The following LYPD1 variants were observed in gnomAD, a reference collection of about 807,000 sequenced individuals.
LYPD1 encodes the protein ly6/PLAUR domain-containing protein 1.
LYPD1 carries 14 observed loss-of-function variants against 14.2 expected under a neutral mutation model. That is an observed-to-expected ratio of 0.99 (90% CI 0.65 to 1.54). The LOEUF (loss-of-function observed/expected upper bound fraction) is 1.54. Ranked by LOEUF, LYPD1 falls within the 40% of genes most tolerant of loss-of-function variation. The pLI is 0.00. For synonymous variants in LYPD1, 85 were observed against 70.6 expected (o/e 1.20, Z -1.02); for missense variants, 165 against 175.7 (o/e 0.94, Z 0.34).
At chr2:132,648,274 A>AC (rs1682213704) in intron 2 of LYPD1, among the ~76,000 whole-genome samples, 3 of 146,434 alleles carry the variant, frequency 2.0e-5, no homozygotes, top group Admixed American at 6.8e-5. Flanking sequence ...CTTTTAAAAA[A>AC]ATATTTACTG....
In LYPD1 at chr2:132,645,957, C is replaced by A; in HGVS notation, c.*88G>T. On this transcript the variant is annotated 3_prime_UTR_variant, in exon 3 of 3. Transcript: ENST00000397463. ...CCGCTCCCTACCCAGAATAAAAGGA[C>A]ACCCAGAAGAAACTCACTCAGGGAG... is the stretch of plus-strand genomic sequence containing the variant. The A allele has an allele frequency of 1.0e-6, 1 of 983,498 alleles. No homozygotes were observed. The highest frequency in any genetic ancestry group is 1.5e-6 in the Non-Finnish European group (1 of 674,502). The allele number at this position is 983,498 out of a possible 1,614,324, so 60.9% of individuals were successfully genotyped here.
chr2:132,668,285 C>T lies in LYPD1; in HGVS notation c.190+115G>A, dbSNP rs1157883135. On this transcript the variant is annotated intron_variant, in intron 2 of 2. Transcript: ENST00000397463. ...CACTGTAAAACTAAATCTGCGATAA[C>T]CAGTGTGTGGGCATTAAATCAAAGT... The T allele has an allele frequency of 1.5e-5, 20 of 1,296,912 alleles. 1 individual carries two copies. In the South Asian group the frequency reaches 2.2e-4, roughly 14 times the overall value. 80.3% of individuals were successfully genotyped at this position (1,296,912 alleles called of 1,614,324 possible).
At chr2:132,665,644 G>A (rs1388945505) in intron 2 of LYPD1, among the ~76,000 whole-genome samples, 1 of 152,210 alleles carries the variant, frequency 6.6e-6, no homozygotes, top group Admixed American at 6.5e-5. Flanking sequence ...CAGTTGGCTG[G>A]TGAACTTGGA....
intron 2 of LYPD1, among the ~76,000 whole-genome samples, chr2:132,657,274 G>A (rs1253437788): frequency 6.6e-6 from 1 of 152,186 alleles, no homozygotes; most frequent in Non-Finnish European, 1.5e-5. Context: ...GAAGGTTTCT[G>A]CGCAGTCACT....
rs768089283 is a variant in LYPD1 at position 132,645,053 on chromosome 2, C to T, written c.*992G>A. 6.4e-7 allele frequency: 1 copy of T among 1,565,486 alleles called. No individual in the cohort carries two copies. Among genetic ancestry groups the T allele is most frequent in the Admixed American group, 1.8e-5 (1 of 55,660 alleles). ...TTTATTCATTTACTGTGTTCTCATG[C>T]TGTGTTTTTCTTTTCTCTGTCTCTC... On this transcript the variant is annotated 3_prime_UTR_variant, in exon 3 of 3. Coordinates refer to ENST00000397463, the MANE Select transcript of LYPD1 (RefSeq NM_144586.7).
At chr2:132,650,704 C>T (rs1682327553) in intron 2 of LYPD1, among the ~76,000 whole-genome samples, 1 of 142,952 alleles carries the variant, frequency 7.0e-6, no homozygotes, top group Admixed American at 7.1e-5. Flanking sequence ...CTCCCTTCCT[C>T]CTCCTTCCTT....
chr2:132,650,781 T>C (rs1187882454), intron 2 of LYPD1, among the ~76,000 whole-genome samples: 1 of 151,928 alleles, frequency 6.6e-6, no homozygotes, highest in African/African-American at 2.4e-5. Flanking sequence ...ATGCTTCAGA[T>C]GCAGTTTTAA....
intron 2 of LYPD1, among the ~76,000 whole-genome samples, chr2:132,662,035 A>G (rs569623930): frequency 1.2e-4 from 19 of 152,252 alleles, no homozygotes; most frequent in African/African-American, 3.1e-4. Flanking sequence ...AGATTCACCA[A>G]CTATCAAGTG....
intron 2 of LYPD1, among the ~76,000 whole-genome samples, chr2:132,657,902 T>C (rs1197084648): frequency 6.6e-6 from 1 of 152,200 alleles, no homozygotes; most frequent in Admixed American, 6.5e-5. Context: ...TTTTCTAATC[T>C]TGTGCATGGA....
intron 2 of LYPD1, among the ~76,000 whole-genome samples, chr2:132,649,703 C>T (rs1350829206): frequency 6.6e-6 from 1 of 152,122 alleles, no homozygotes; most frequent in Non-Finnish European, 1.5e-5. Context: ...AATAAAGACT[C>T]ACACTGGAAG....
intron 2 of LYPD1, among the ~76,000 whole-genome samples, chr2:132,661,009 C>A (rs1261007272): frequency 6.6e-6 from 1 of 152,082 alleles, no homozygotes; most frequent in Non-Finnish European, 1.5e-5. Flanking sequence ...ATGCTTAAGC[C>A]CCCCAGGAAA....
chr2:132,644,667 C>T lies in LYPD1; in HGVS notation c.*1378G>A, dbSNP rs1418706165. Among the ~76,000 whole-genome samples the T allele has an allele frequency of 2.2e-5, 3 of 138,208 alleles. No individual in the cohort carries two copies. The highest frequency in any genetic ancestry group is 3.2e-5 in the Non-Finnish European group (2 of 62,454). The allele number at this position is 138,208 out of a possible 152,430, so 90.7% of individuals were successfully genotyped here. On this transcript the variant is annotated 3_prime_UTR_variant, in exon 3 of 3. Transcript: ENST00000397463. ...AAAATATCACTAGGTCTTCTTTGTG[C>T]AGACATCCTTTAAAATACAAACACT...
chr2:132,648,303 T>A (rs3738843), intron 2 of LYPD1, among the ~76,000 whole-genome samples: 128,856 of 152,060 alleles, frequency 0.85, 55,194 homozygotes, highest in African/African-American at 0.96. Flanking sequence ...TTTCTCTGTA[T>A]AAAATTTCAG....
At chr2:132,670,811 G>T (rs1683666039), upstream of LYPD1, among the ~76,000 whole-genome samples, 5 of 152,108 alleles carry the variant, frequency 3.3e-5, no homozygotes, top group Admixed American at 3.3e-4. This position sits in a 1 kb window ranked among gnomAD's most constrained non-coding sequence, Gnocchi z 4.5. Context: ...TCTGGGTGGG[G>T]GTGTGGTGGG....
In LYPD1 at chr2:132,670,097, G is replaced by T. The variant is rs528374856; in HGVS notation, c.-165C>A. Reference sequence around the variant, plus strand: ...TAGAGGAGCCGCAGGTGCCGCTCGCGGAGCCTGCATCGCCCGCGCTCGGGC... The same window carrying T: ...TAGAGGAGCCGCAGGTGCCGCTCGCTGAGCCTGCATCGCCCGCGCTCGGGC... On this transcript the variant is annotated 5_prime_UTR_variant, in exon 1 of 3. Transcript: ENST00000397463. The surrounding 1 kb of genome is among the most constrained non-coding windows in gnomAD (Gnocchi z 4.5). 790 of 1,466,348 alleles carry T rather than the reference G, an allele frequency of 5.4e-4. 1 individual carries two copies. In the African/African-American group the frequency reaches 0.01, roughly 19 times the overall value. The allele number at this position is 1,466,348 out of a possible 1,614,324, so 90.8% of individuals were successfully genotyped here. A position where few individuals can be genotyped will look rare whatever the true frequency, so the allele number is the denominator to read the frequency against.
intron 2 of LYPD1, among the ~76,000 whole-genome samples, chr2:132,652,068 G>A (rs887539809): frequency 6.6e-5 from 10 of 152,176 alleles, no homozygotes; most frequent in African/African-American, 2.2e-4. Flanking sequence ...CACCACTGCC[G>A]GGTTAGGGTA....
At chr2:132,670,907 C>T (rs188909006), upstream of LYPD1, among the ~76,000 whole-genome samples, 2 of 152,318 alleles carry the variant, frequency 1.3e-5, no homozygotes, top group Non-Finnish European at 1.5e-5. The surrounding 1 kb of genome is among the most constrained non-coding windows in gnomAD (Gnocchi z 4.5). Context: ...TGACACCGCC[C>T]TGGTCGCCTA....
At chr2:132,668,139 G>A (rs928905082) in intron 2 of LYPD1, among the ~76,000 whole-genome samples, 2 of 152,166 alleles carry the variant, frequency 1.3e-5, no homozygotes, top group African/African-American at 4.8e-5. Context: ...GGTGAAGGGA[G>A]TAAATAAAAA....
chr2:132,657,952 A>G (rs1441543708), intron 2 of LYPD1, among the ~76,000 whole-genome samples: 1 of 152,164 alleles, frequency 6.6e-6, no homozygotes, highest in Non-Finnish European at 1.5e-5. Flanking sequence ...ACAGTTGGCC[A>G]CTCAGTCACT....
Sources: allele counts gnomAD v4.1 joint callset (sites outside exome capture counted in the v4.1 genomes callset), GRCh38; gene constraint gnomAD v4.1.1; non-coding constraint Gnocchi (gnomAD v3.1); transcripts MANE v1.5; gene names NCBI Gene and HGNC (gene_info 2026-07-23, HGNC 2026-07-21).